The following BAIAP2 variants were observed in gnomAD, a reference collection of about 807,000 sequenced individuals.
The protein encoded by BAIAP2 is BAR/IMD domain containing adaptor protein 2.
In BAIAP2, 18 loss-of-function variants were observed where a neutral mutation model predicts 63.0. That is an observed-to-expected ratio of 0.29 (90% CI 0.20 to 0.42). BAIAP2 has a LOEUF of 0.42. Ranked by LOEUF, BAIAP2 falls within the 10% of genes least tolerant of loss-of-function variation. The pLI is 1.00. For synonymous variants in BAIAP2, 386 were observed against 307.6 expected (o/e 1.25, Z -2.67); for missense variants, 610 against 734.3 (o/e 0.83, Z 1.96).
chr17:81,035,469 TGCTGGG>T (rs542929943), intron 1 of BAIAP2, among the ~76,000 whole-genome samples, 161 bp downstream of exon 1: 2 of 147,902 alleles, frequency 1.4e-5, no homozygotes, highest in Non-Finnish European at 3.0e-5. Flanking sequence ...GGACCCGGGC[TGCTGGG>T]GTGGTGAGCC....
chr17:81,055,163 A>G (rs934134129), intron 2 of BAIAP2, among the ~76,000 whole-genome samples: 38 of 152,142 alleles, frequency 2.5e-4, no homozygotes, highest in African/African-American at 8.9e-4. Flanking sequence ...TAGAGGTGTC[A>G]AGGACGGGGC....
At chr17:81,113,509 C>A (rs538048127) in intron 13 of BAIAP2, among the ~76,000 whole-genome samples, 1 of 152,348 alleles carries the variant, frequency 6.6e-6, no homozygotes, top group African/African-American at 2.4e-5. Flanking sequence ...CTTTCCCAGA[C>A]AGCTGGGGGG....
chr17:81,043,449 C>A (rs1312901105), intron 1 of BAIAP2, among the ~76,000 whole-genome samples: 1 of 152,196 alleles, frequency 6.6e-6, no homozygotes, highest in Non-Finnish European at 1.5e-5. Flanking sequence ...CTGTGGGCTG[C>A]GGTCCGACCG....
chr17:81,071,480 A>G (rs2052647426), intron 3 of BAIAP2, among the ~76,000 whole-genome samples: 1 of 152,230 alleles, frequency 6.6e-6, no homozygotes, highest in Non-Finnish European at 1.5e-5. Context: ...AGGCTCTGGA[A>G]GGTGATGCAT....
chr17:81,104,263 G>A (rs749920736), intron 9 of BAIAP2, among the ~76,000 whole-genome samples, 155 bp downstream of exon 9: 4 of 152,208 alleles, frequency 2.6e-5, no homozygotes, highest in Non-Finnish European at 5.9e-5. Flanking sequence ...ACACACGTGT[G>A]CCTGCCCAGC....
chr17:81,084,060 A>G (rs1312756648), intron 3 of BAIAP2, among the ~76,000 whole-genome samples: 1 of 152,100 alleles, frequency 6.6e-6, no homozygotes, highest in East Asian at 1.9e-4. Context: ...AAGGCCTCTG[A>G]CGGCGCTTAC....
chr17:81,103,717 C>G lies in BAIAP2; in HGVS notation c.858C>G (p.Phe286Leu). 7.2e-7 allele frequency: 1 copy of G among 1,385,560 alleles called. No homozygotes were observed. Among genetic ancestry groups the G allele is most frequent in the South Asian group, 1.1e-5 (1 of 87,702 alleles). The allele number at this position is 1,385,560 out of a possible 1,614,324, so 85.8% of individuals were successfully genotyped here. The change falls in exon 8 of 14, where the codon TTC (phenylalanine) becomes TTG (leucine). Residue 286 changes from phenylalanine (F) to leucine (L), a missense_variant. This residue lies in a region of BAIAP2 where 389 missense variants were observed against 455.6 expected (regional missense o/e 0.85). Coordinates refer to ENST00000428708, the MANE Select transcript of BAIAP2 (RefSeq NM_001144888.2). ...PLPVPPELAP[F>L]VGRMSAQEST... ...CGGTGCCCCCCGAGCTGGCACCGTTCGTGGGGGTGAGTCTGTGGCCTCTGG... is the reference window on the plus strand; with the variant it reads ...CGGTGCCCCCCGAGCTGGCACCGTTGGTGGGGGTGAGTCTGTGGCCTCTGG...
At chr17:81,106,941 G>T in intron 12 of BAIAP2, 34 bp downstream of exon 12, 1 of 1,475,730 alleles carries the variant, frequency 6.8e-7, no homozygotes, top group African/African-American at 1.4e-5. Context: ...GGAGGGGCCC[G>T]CAGGTGGAAC....
At chr17:81,098,082 TG>T in intron 6 of BAIAP2, 2 of 1,322,118 alleles carry the variant, frequency 1.5e-6, no homozygotes, top group Admixed American at 3.2e-5. Flanking sequence ...CCAGGCCAGC[TG>T]GGGTCATGGA....
chr17:81,043,458 C>T (rs1028459687), intron 1 of BAIAP2, among the ~76,000 whole-genome samples: 5 of 152,310 alleles, frequency 3.3e-5, no homozygotes, highest in East Asian at 3.9e-4. Flanking sequence ...GCGGTCCGAC[C>T]GGTGGCAGGA....
chr17:81,078,556 G>C (rs1193820604), intron 3 of BAIAP2, among the ~76,000 whole-genome samples: 2 of 139,498 alleles, frequency 1.4e-5, no homozygotes, highest in African/African-American at 2.7e-5. Context: ...CGGGCGCTGT[G>C]GGTGCAGGTG....
intron 3 of BAIAP2, among the ~76,000 whole-genome samples, chr17:81,073,718 G>T (rs1017922874): frequency 1.3e-5 from 2 of 152,108 alleles, no homozygotes; most frequent in Admixed American, 1.3e-4. Context: ...CTTGTCACTC[G>T]CAGACTATAA....
At chr17:81,115,340 C>G (rs956507556) in intron 13 of BAIAP2, among the ~76,000 whole-genome samples, 10 of 152,232 alleles carry the variant, frequency 6.6e-5, no homozygotes, top group African/African-American at 2.4e-4. Flanking sequence ...CTCTGCCACG[C>G]TGTGTCCCTG....
intron 13 of BAIAP2, chr17:81,110,899 T>C (rs768416290): frequency 1.2e-6 from 2 of 1,613,642 alleles, no homozygotes. Flanking sequence ...AACTGAGCCT[T>C]GTGTTTCCTT....
At position 81,106,104 on chromosome 17, in the gene BAIAP2, C is replaced by A; in HGVS notation, c.1295C>A (p.Thr432Asn). 6.3e-7 allele frequency: 1 copy of A among 1,583,190 alleles called. No individual in the cohort carries two copies. The highest frequency in any genetic ancestry group is 8.6e-7 in the Non-Finnish European group (1 of 1,164,358). The part of the protein sequence containing the change: ...KMRGWFPFSY[T>N]RVLDSDGSDR... Reference sequence around the variant, plus strand: ...CGGGGCTGGTTTCCCTTCTCCTACACCCGGGTCTTGGACAGCGATGGCAGT... The same window carrying A: ...CGGGGCTGGTTTCCCTTCTCCTACAACCGGGTCTTGGACAGCGATGGCAGT... The change falls in exon 11 of 14, where the codon ACC becomes AAC. Residue 432 changes from threonine (T) to asparagine (N), a missense_variant. By Grantham distance (65) the Thr-to-Asn change is moderately conservative. Coordinates refer to ENST00000428708, the MANE Select transcript of BAIAP2 (RefSeq NM_001144888.2).
At chr17:81,106,492 C>A (rs758510341) in intron 11 of BAIAP2, among the ~76,000 whole-genome samples, 1 of 152,072 alleles carries the variant, frequency 6.6e-6, no homozygotes, top group Non-Finnish European at 1.5e-5. Flanking sequence ...TACATGGCTA[C>A]TGGGAGGGTC....
chr17:81,093,572 C>T (rs1018770838), intron 6 of BAIAP2, among the ~76,000 whole-genome samples: 1 of 151,998 alleles, frequency 6.6e-6, no homozygotes, highest in East Asian at 1.9e-4. Context: ...ATGGGGGCTC[C>T]GTAGCACCGG....
At chr17:81,055,959 C>T (rs1371511916) in intron 2 of BAIAP2, among the ~76,000 whole-genome samples, 1 of 152,110 alleles carries the variant, frequency 6.6e-6, no homozygotes, top group Non-Finnish European at 1.5e-5. Flanking sequence ...TAGTGGAGGT[C>T]GGCAGCAGAG....
intron 1 of BAIAP2, chr17:81,053,465 C>T (rs1052738526): frequency 4.6e-5 from 28 of 604,756 alleles, no homozygotes; most frequent in African/African-American, 3.9e-4. Flanking sequence ...GTGTGAAAAC[C>T]GAGGCTCAGG....
Sources: allele counts gnomAD v4.1 joint callset (sites outside exome capture counted in the v4.1 genomes callset), GRCh38; gene constraint gnomAD v4.1.1; regional missense constraint gnomAD v4.1.1; transcripts MANE v1.5; gene names NCBI Gene and HGNC (gene_info 2026-07-23, HGNC 2026-07-21).